The following SUMO2 variants were observed in gnomAD, a reference collection of about 807,000 sequenced individuals.
The protein encoded by SUMO2 is small ubiquitin-related modifier 2.
In SUMO2, 1 loss-of-function variant was observed where a neutral mutation model predicts 16.0. That is an observed-to-expected ratio of 0.06 (90% confidence interval 0.02 to 0.30). SUMO2 has a LOEUF of 0.30. Ranked by LOEUF, SUMO2 falls within the 10% of genes least tolerant of loss-of-function variation. SUMO2 has a pLI of 1.00. For missense variants in SUMO2, 16 were observed against 117.5 expected, an observed-to-expected ratio of 0.14 and a Z score of 3.99; for synonymous variants, 36 against 40.6, an observed-to-expected ratio of 0.89 and a Z score of 0.43.
At chr17:75,171,622 GA>G in intron 3 of SUMO2, among the ~76,000 whole-genome samples, 1 of 152,130 alleles carries the variant, frequency 6.6e-6, no homozygotes, top group South Asian at 2.1e-4. Context: ...ATTCTAAAAC[GA>G]ATCAATTCCA....
chr17:75,171,920 T>C lies in SUMO2; in HGVS notation c.225+2832A>G, dbSNP rs559745306. Among the ~76,000 whole-genome samples the C allele has an allele frequency of 1.4e-4, 21 of 152,176 alleles. No homozygotes were observed. In the South Asian group the frequency reaches 4.4e-3, roughly 32 times the overall value. ...CAAATGTGAAGTTTTACAGTGAAAC[T>C]GTAAATGCCTTTAAAAAATGAGGTT... On this transcript the variant is annotated intron_variant, in intron 3 of 3. Coordinates refer to ENST00000420826, the MANE Select transcript of SUMO2 (RefSeq NM_006937.4).
intron 3 of SUMO2, among the ~76,000 whole-genome samples, chr17:75,172,840 C>G (rs1030332162): frequency 6.6e-6 from 1 of 152,000 alleles, no homozygotes; most frequent in Non-Finnish European, 1.5e-5. Flanking sequence ...AGGCTGGTCT[C>G]AAACTCCTGA....
chr17:75,170,912 T>C (rs1332851732), intron 3 of SUMO2, among the ~76,000 whole-genome samples: 2 of 150,046 alleles, frequency 1.3e-5, no homozygotes, highest in Non-Finnish European at 1.5e-5. Flanking sequence ...TTAAATACCA[T>C]ATAGCCGTTA....
In SUMO2 at chr17:75,170,430, T is replaced by C. The variant is rs180903712; in HGVS notation, c.226-2029A>G. 2.0e-3 allele frequency among the ~76,000 whole-genome samples: 294 copies of C among 147,482 alleles called. 1 individual carries two copies. The highest frequency in any genetic ancestry group is 7.0e-3 in the African/African-American group (278 of 39,876). On this transcript the variant is annotated intron_variant, in intron 3 of 3. Coordinates refer to ENST00000420826, the MANE Select transcript of SUMO2 (RefSeq NM_006937.4). ...ACCAAAAATACAAAAATTAGCTGGG[T>C]GTGGTTGCGCACGCCTGTAGTCCCA...
intron 2 of SUMO2, among the ~76,000 whole-genome samples, chr17:75,177,709 G>A (rs1445088441): frequency 6.6e-6 from 1 of 151,822 alleles, no homozygotes; most frequent in Non-Finnish European, 1.5e-5. Flanking sequence ...GAAAAGCCAG[G>A]CGTAGTGCTT....
At chr17:75,173,650 A>AT (rs1189839550) in intron 3 of SUMO2, among the ~76,000 whole-genome samples, 1 of 151,366 alleles carries the variant, frequency 6.6e-6, no homozygotes, top group Non-Finnish European at 1.5e-5. Flanking sequence ...TAATTTTTGT[A>AT]TTTTTTTGTA....
rs186922512 is a variant in SUMO2 at position 75,171,942 on chromosome 17, G to A, written c.225+2810C>T. ...AACTGTAAATGCCTTTAAAAAATGA[G>A]GTTCCTGTACCAGCCTCATTTATCA... On this transcript the variant is annotated intron_variant, in intron 3 of 3. Coordinates refer to ENST00000420826, the MANE Select transcript of SUMO2 (RefSeq NM_006937.4). Among the ~76,000 whole-genome samples the A allele has an allele frequency of 4.0e-5, 6 of 151,548 alleles. No individual in the cohort carries two copies. In the East Asian group the frequency reaches 1.2e-3, roughly 29 times the overall value.
At chr17:75,171,673 C>G (rs1343341004) in intron 3 of SUMO2, among the ~76,000 whole-genome samples, 1 of 152,068 alleles carries the variant, frequency 6.6e-6, no homozygotes, top group South Asian at 2.1e-4. Context: ...CAAATTCAAC[C>G]TGAAGATTTT....
chr17:75,168,207 G>C lies in SUMO2; in HGVS notation c.*132C>G, dbSNP rs961720994. The C allele has an allele frequency of 4.5e-6, 3 of 660,302 alleles. No individual in the cohort carries two copies. Among genetic ancestry groups the C allele is most frequent in the Non-Finnish European group, 7.3e-6 (3 of 411,476 alleles). 40.9% of individuals were successfully genotyped at this position (660,302 alleles called of 1,614,324 possible). A position where few individuals can be genotyped will look rare whatever the true frequency, so the allele number is the denominator to read the frequency against. ...GTACAATAAAGGAATGGGGAAGGGGGAAATGAAAGAATAGAGAAAACTATA... is the reference window on the plus strand; with the variant it reads ...GTACAATAAAGGAATGGGGAAGGGGCAAATGAAAGAATAGAGAAAACTATA... On this transcript the variant is annotated 3_prime_UTR_variant, in exon 4 of 4. Coordinates refer to ENST00000420826, the MANE Select transcript of SUMO2 (RefSeq NM_006937.4).
rs998011350 is a variant in SUMO2 at position 75,165,706 on chromosome 17, T to C, written c.*2633A>G. The C allele has an allele frequency of 1.3e-5, 2 of 151,906 alleles. No homozygotes were observed. The highest frequency in any genetic ancestry group is 2.4e-5 in the African/African-American group (1 of 41,356). The allele number at this position is 151,906 out of a possible 1,614,324, so 9.4% of individuals were successfully genotyped here. On this transcript the variant is annotated 3_prime_UTR_variant, in exon 4 of 4. Transcript: ENST00000420826. Reference sequence around the variant, plus strand: ...GTCACCGTCTATTTCACAACTTTTCTGGAACTTGGCTTTCTCATCTATAAA... The same window carrying C: ...GTCACCGTCTATTTCACAACTTTTCCGGAACTTGGCTTTCTCATCTATAAA...
intron 2 of SUMO2, among the ~76,000 whole-genome samples, chr17:75,178,377 G>A (rs927126808): frequency 4.6e-5 from 7 of 151,454 alleles, no homozygotes; most frequent in Admixed American, 2.0e-4. Flanking sequence ...GGCTGGGCAC[G>A]GTGGCACGCA....
At chr17:75,173,719 C>T (rs188646683) in intron 3 of SUMO2, among the ~76,000 whole-genome samples, 1 of 152,100 alleles carries the variant, frequency 6.6e-6, no homozygotes, top group Non-Finnish European at 1.5e-5. Flanking sequence ...TCAAGTGCTC[C>T]GCCCACCTTG....
chr17:75,178,239 G>C (rs1048261399), intron 2 of SUMO2, among the ~76,000 whole-genome samples: 1 of 151,836 alleles, frequency 6.6e-6, no homozygotes, highest in Non-Finnish European at 1.5e-5. Flanking sequence ...TCAAGGCCAG[G>C]CACCAGTGGC....
At chr17:75,181,238 A>G (rs1393740461) in intron 1 of SUMO2, 50 bp from the exon 2 acceptor site, 1 of 1,596,264 alleles carries the variant, frequency 6.3e-7, no homozygotes, top group Admixed American at 1.7e-5. Context: ...ATCAACGAAC[A>G]CGTTTTATAA....
intron 2 of SUMO2, among the ~76,000 whole-genome samples, chr17:75,177,503 T>C (rs2074791681): frequency 6.6e-6 from 1 of 151,850 alleles, no homozygotes; most frequent in Non-Finnish European, 1.5e-5. Flanking sequence ...ATCAACATGG[T>C]GAAGCCCCGT....
intron 1 of SUMO2, among the ~76,000 whole-genome samples, chr17:75,181,815 G>C (rs1412820645): frequency 6.6e-6 from 1 of 152,028 alleles, no homozygotes; most frequent in African/African-American, 2.4e-5. Flanking sequence ...TCGGTTAAGA[G>C]CACTTATTCT....
chr17:75,167,848 T>C lies in SUMO2; in HGVS notation c.*491A>G, dbSNP rs1411351079. The stretch of plus-strand genomic sequence containing the variant: ...CTACTTAAAGACAGATTGCCCTACA[T>C]GTAACAGCTACGTACAAAAAAGTTA... On this transcript the variant is annotated 3_prime_UTR_variant, in exon 4 of 4. Transcript: ENST00000420826. The C allele has an allele frequency of 6.1e-6, 1 of 163,616 alleles. No individual in the cohort carries two copies. Among genetic ancestry groups the C allele is most frequent in the East Asian group, 1.9e-4 (1 of 5,206 alleles). The allele number at this position is 163,616 out of a possible 1,614,324, so 10.1% of individuals were successfully genotyped here.
intron 3 of SUMO2, among the ~76,000 whole-genome samples, chr17:75,169,725 C>T (rs1408944477): frequency 2.6e-5 from 4 of 151,514 alleles, no homozygotes; most frequent in African/African-American, 7.3e-5. Flanking sequence ...GGCATGTGCC[C>T]GTAATCCCAG....
intron 2 of SUMO2, among the ~76,000 whole-genome samples, chr17:75,178,150 C>T (rs906283531): frequency 2.7e-5 from 4 of 149,390 alleles, no homozygotes; most frequent in African/African-American, 9.9e-5. Flanking sequence ...GGCAACAGGG[C>T]AAAAGCCTGT....
Sources: allele counts gnomAD v4.1 joint callset (sites outside exome capture counted in the v4.1 genomes callset), GRCh38; gene constraint gnomAD v4.1.1; transcripts MANE v1.5; gene names NCBI Gene and HGNC (gene_info 2026-07-23, HGNC 2026-07-21).